The following CASP8 variants were observed in gnomAD, a reference collection of about 807,000 sequenced individuals.
The protein encoded by CASP8 is caspase 8.
In CASP8, 24 loss-of-function variants were observed where a neutral mutation model predicts 46.3. The observed-to-expected ratio is 0.52, with a 90% CI of 0.38 to 0.73. The LOEUF (loss-of-function observed/expected upper bound fraction) is 0.73, where lower values mean the gene tolerates loss of function less well. Ranked by LOEUF, CASP8 falls within the 30% of genes least tolerant of loss-of-function variation. CASP8 has a pLI of 0.00. For synonymous variants in CASP8, 188 were observed against 200.4 expected, an observed-to-expected ratio of 0.94 and a Z score of 0.52; for missense variants, 460 against 559.0, an observed-to-expected ratio of 0.82 and a Z score of 1.79.
Position 201,272,577 on chromosome 2 carries a change from T to C in CASP8, c.412-61T>C. 6.4e-7 allele frequency: 1 copy of C among 1,571,178 alleles called. No homozygotes were observed. Among genetic ancestry groups the C allele is most frequent in the Non-Finnish European group, 8.7e-7 (1 of 1,146,674 alleles). ...AGAAATTGGAAATTAAAAAAAAAAA[T>C]CTAATCTAAAAACCAGTAGGGCTCA... On this transcript the variant is annotated intron_variant, in intron 3 of 8. Transcript: ENST00000673742. The surrounding 1 kb of genome is among the most constrained non-coding windows in gnomAD (Gnocchi z 4.4).
chr2:201,274,782 T>A, intron 5 of CASP8, 107 bp from the exon 6 acceptor site: 2 of 925,576 alleles, frequency 2.2e-6, no homozygotes, highest in Non-Finnish European at 3.5e-6. Flanking sequence ...CAGCTTGAAT[T>A]TTCATCTTAA....
intron 8 of CASP8, 131 bp downstream of exon 8, chr2:201,285,448 A>T: frequency 8.9e-7 from 1 of 1,128,606 alleles, no homozygotes; most frequent in Non-Finnish European, 1.3e-6. Context: ...AACAGGTCAG[A>T]GAACTGTCCA....
At chr2:201,235,818 G>A (rs1946023896) in intron 2 of CASP8, among the ~76,000 whole-genome samples, 1 of 151,980 alleles carries the variant, frequency 6.6e-6, no homozygotes, top group African/African-American at 2.4e-5. Flanking sequence ...ATTATAATAC[G>A]GTATTTTTAC....
At chr2:201,269,897 TA>T (rs1390964196) in intron 2 of CASP8, among the ~76,000 whole-genome samples, 1 of 152,184 alleles carries the variant, frequency 6.6e-6, no homozygotes, top group African/African-American at 2.4e-5. Context: ...TACCTTGTAA[TA>T]AAGGTGAAAG....
At chr2:201,243,681 G>A (rs1946392479) in intron 2 of CASP8, among the ~76,000 whole-genome samples, 1 of 152,178 alleles carries the variant, frequency 6.6e-6, no homozygotes, top group South Asian at 2.1e-4. Context: ...TTAAACTCAG[G>A]AACGTGTAAT....
intron 2 of CASP8, among the ~76,000 whole-genome samples, chr2:201,249,860 C>A (rs1559334741): frequency 6.6e-6 from 1 of 152,194 alleles, no homozygotes; most frequent in East Asian, 1.9e-4. Context: ...AGTGATGAAC[C>A]AATATTGATA....
chr2:201,283,792 C>T (rs1344464310), intron 7 of CASP8, among the ~76,000 whole-genome samples: 5 of 59,536 alleles, frequency 8.4e-5, no homozygotes, highest in African/African-American at 2.2e-4. Flanking sequence ...ACCTCCCGGA[C>T]GGGGCGGCTG....
intron 7 of CASP8, among the ~76,000 whole-genome samples, chr2:201,282,779 C>A (rs1576374237): frequency 2.3e-5 from 2 of 86,638 alleles, no homozygotes; most frequent in South Asian, 1.3e-3. Context: ...GGCAGAGGCG[C>A]CCCTCACCTC....
chr2:201,279,945 T>G (rs1484054479), intron 7 of CASP8, among the ~76,000 whole-genome samples: 1 of 151,916 alleles, frequency 6.6e-6, no homozygotes, highest in African/African-American at 2.4e-5. Context: ...AGAGCAAGAC[T>G]CCATCTCAAA....
intron 2 of CASP8, among the ~76,000 whole-genome samples, chr2:201,238,307 AT>A (rs906892698): frequency 2.0e-5 from 3 of 152,240 alleles, no homozygotes; most frequent in Non-Finnish European, 4.4e-5. Context: ...TATGCCTGGA[AT>A]ATATGGGATA....
chr2:201,235,118 A>G (rs34787676), intron 2 of CASP8, among the ~76,000 whole-genome samples: 282 of 152,282 alleles, frequency 1.9e-3, no homozygotes, highest in Non-Finnish European at 3.3e-3. Context: ...TTTCTTACCC[A>G]TTATCGAGAA....
At chr2:201,267,417 G>A (rs570453937) in intron 2 of CASP8, among the ~76,000 whole-genome samples, 50 of 152,208 alleles carry the variant, frequency 3.3e-4, no homozygotes, top group Non-Finnish European at 6.2e-4. Flanking sequence ...GCTGTAAGCC[G>A]CTGGCCTGGC....
chr2:201,236,391 A>T (rs1946046936), intron 2 of CASP8, among the ~76,000 whole-genome samples: 1 of 152,020 alleles, frequency 6.6e-6, no homozygotes, highest in South Asian at 2.1e-4. Context: ...TTTTCCAGAC[A>T]TGTTTCTGTT....
intron 6 of CASP8, among the ~76,000 whole-genome samples, chr2:201,276,247 C>T (rs1948622357): frequency 6.6e-6 from 1 of 152,166 alleles, no homozygotes. Context: ...CCAGGACCTC[C>T]CTGACCAGCC....
intron 7 of CASP8, among the ~76,000 whole-genome samples, chr2:201,281,036 G>A (rs576950979): frequency 3.9e-5 from 6 of 152,178 alleles, no homozygotes; most frequent in Non-Finnish European, 8.8e-5. Context: ...ACTATGGGCC[G>A]GAGGTGGTGG....
chr2:201,243,907 CG>C (rs988758844), intron 2 of CASP8, among the ~76,000 whole-genome samples: 5 of 152,094 alleles, frequency 3.3e-5, no homozygotes, highest in African/African-American at 1.2e-4. Flanking sequence ...AGTGAAGGGT[CG>C]GGGGGCAGCA....
chr2:201,282,678 T>C lies in CASP8; in HGVS notation c.803-2138T>C, dbSNP rs1246080737. 3.9e-3 allele frequency among the ~76,000 whole-genome samples: 286 copies of C among 73,740 alleles called. 10 individuals are homozygous for C. Among genetic ancestry groups the C allele is most frequent in the Non-Finnish European group, 7.4e-3 (227 of 30,656 alleles). 48.4% of individuals were successfully genotyped at this position (73,740 alleles called of 152,430 possible). A position where few individuals can be genotyped will look rare whatever the true frequency, so the allele number is the denominator to read the frequency against. ...CCCCTCACCTCCTGGATAGGGCGGC[T>C]GGCCGGGCGGGGGGCTGTTCCCCCC... is the stretch of plus-strand genomic sequence containing the variant. On this transcript the variant is annotated intron_variant, in intron 7 of 8. Transcript: ENST00000673742.
At position 201,266,558 on chromosome 2, in the gene CASP8, C is replaced by T; in HGVS notation, c.72C>T (p.Phe24=). The change falls in exon 2 of 9, where the codon TTC becomes TTT. Residue 24 remains phenylalanine, a synonymous_variant. Coordinates refer to ENST00000673742, the MANE Select transcript of CASP8 (RefSeq NM_001372051.1). The surrounding 1 kb of genome is among the most constrained non-coding windows in gnomAD (Gnocchi z 5.7). The part of the protein sequence containing the change: ...LDSEDLASLK[F]LSLDYIPQRK... ...GTGAAGATCTGGCCTCCCTCAAGTT[C>T]CTGAGCCTGGACTACATTCCGCAAA... 1 of 1,614,156 alleles carries T rather than the reference C, an allele frequency of 6.2e-7. No homozygotes were observed. Among genetic ancestry groups the T allele is most frequent in the Non-Finnish European group, 8.5e-7 (1 of 1,180,006 alleles).
chr2:201,242,547 C>G (rs2124918192), intron 2 of CASP8: 1 of 152,242 alleles, frequency 6.6e-6, no homozygotes, highest in South Asian at 2.1e-4. Flanking sequence ...CTCCAAATAC[C>G]AACACATAGG....
Sources: allele counts gnomAD v4.1 joint callset (sites outside exome capture counted in the v4.1 genomes callset), GRCh38; gene constraint gnomAD v4.1.1; non-coding constraint Gnocchi (gnomAD v3.1); transcripts MANE v1.5; gene names NCBI Gene and HGNC (gene_info 2026-07-23, HGNC 2026-07-21).